Variants in CRNKL1 observed in about 807,000 individuals in gnomAD.
The protein encoded by CRNKL1 is crooked neck-like protein 1.
CRNKL1 carries 35 observed loss-of-function variants against 103.7 expected under a neutral mutation model. The observed-to-expected ratio is 0.34, with a 90% CI of 0.26 to 0.45. The LOEUF is 0.45. Ranked by LOEUF, CRNKL1 falls within the 20% of genes least tolerant of loss-of-function variation. The pLI, the probability that CRNKL1 is intolerant of heterozygous loss-of-function variation, is 1.00. For synonymous variants in CRNKL1, 267 were observed against 282.6 expected (o/e 0.94, Z 0.55); for missense variants, 645 against 836.0 (o/e 0.77, Z 2.82).
intron 13 of CRNKL1, 39 bp downstream of exon 13, chr20:20,037,282 CAT>C (rs778457881): frequency 1.1e-5 from 18 of 1,591,180 alleles, no homozygotes; most frequent in African/African-American, 9.5e-5. Context: ...TGTTTCTACT[CAT>C]GTGACGTGAG....
chr20:20,036,381 A>G lies in CRNKL1; in HGVS notation c.1897-19T>C. 6.2e-7 allele frequency: 1 copy of G among 1,613,244 alleles called. No individual in the cohort carries two copies. The highest frequency in any genetic ancestry group is 8.5e-7 in the Non-Finnish European group (1 of 1,179,438). On this transcript the variant is annotated intron_variant, in intron 13 of 13. Transcript: ENST00000536226. ...CATCAGACTACAGAAATAAAAAATG[A>G]AAAGATAAGCAAACGTGGGTGATAT...
upstream of CRNKL1, chr20:20,055,961 A>T (rs1412016625): frequency 2.5e-6 from 4 of 1,610,862 alleles, no homozygotes; most frequent in Admixed American, 6.8e-5. Context: ...TTTTGTCAAC[A>T]GCATTTCCCA....
At chr20:20,038,153 A>C (rs2043452361) in intron 12 of CRNKL1, among the ~76,000 whole-genome samples, 196 bp downstream of exon 12, 1 of 151,932 alleles carries the variant, frequency 6.6e-6, no homozygotes, top group Non-Finnish European at 1.5e-5. Flanking sequence ...ATGCAGCATA[A>C]ACAATGACCT....
rs527627624 is a variant in CRNKL1, at chr20:20,049,805, CCTTT to C, written c.205-378_205-375del. On this transcript the variant is annotated intron_variant, in intron 2 of 13. Coordinates refer to ENST00000536226, the MANE Select transcript of CRNKL1 (RefSeq NM_001278628.2). The stretch of plus-strand genomic sequence containing the variant: ...CCTTTTGCAGACCTCAATTCCTTTT[CCTTT>C]CTTTCTTTCTTTCTTTTTTTTTTTT... 2.6e-3 allele frequency among the ~76,000 whole-genome samples: 387 copies of C among 151,522 alleles called. 1 individual carries two copies. In the Middle Eastern group the frequency reaches 0.027, roughly 11 times the overall value.
intron 8 of CRNKL1, 94 bp downstream of exon 8, chr20:20,042,231 T>C: frequency 1.7e-6 from 2 of 1,179,618 alleles, no homozygotes; most frequent in Non-Finnish European, 1.2e-6. Flanking sequence ...CTAAATTTCC[T>C]TCTTTCAAGA....
intron 3 of CRNKL1, 121 bp from the exon 4 acceptor site, chr20:20,048,622 G>T: frequency 1.1e-6 from 1 of 946,920 alleles, no homozygotes; most frequent in East Asian, 2.6e-5. Flanking sequence ...CAAGTTCTGG[G>T]CATAAAAAAA....
At chr20:20,040,863 C>T (rs976735286) in intron 9 of CRNKL1, 97 bp from the exon 10 acceptor site, 10 of 822,354 alleles carry the variant, frequency 1.2e-5, no homozygotes, top group South Asian at 9.6e-5. Flanking sequence ...ATTGGTAATT[C>T]GATTTCTCTA....
At chr20:20,054,021 T>TTG, upstream of CRNKL1, among the ~76,000 whole-genome samples, 1 of 146,738 alleles carries the variant, frequency 6.8e-6, no homozygotes, top group South Asian at 2.1e-4. Context: ...TTGTTTTTTT[T>TTG]TTTTTTTTTT....
rs73605567 is a variant in CRNKL1, at chr20:20,045,611, C to A, written c.623-125G>T. On this transcript the variant is annotated intron_variant, in intron 5 of 13. Coordinates refer to ENST00000536226, the MANE Select transcript of CRNKL1 (RefSeq NM_001278628.2). ...AATTCAAACTACAACTCTAGGGGAACAAAACACATACAAAAGTGTAGAATT... is the reference window on the plus strand; with the variant it reads ...AATTCAAACTACAACTCTAGGGGAAAAAAACACATACAAAAGTGTAGAATT... The A allele has an allele frequency of 0.08, 61,872 of 769,464 alleles. 7,993 individuals are homozygous for A. Among genetic ancestry groups the A allele is most frequent in the East Asian group, 0.56 (21,239 of 37,760 alleles). The allele number at this position is 769,464 out of a possible 1,614,324, so 47.7% of individuals were successfully genotyped here. A position where few individuals can be genotyped will look rare whatever the true frequency, so the allele number is the denominator to read the frequency against.
At chr20:20,042,222 TA>T in intron 8 of CRNKL1, 102 bp downstream of exon 8, 1 of 1,102,148 alleles carries the variant, frequency 9.1e-7, no homozygotes, top group Non-Finnish European at 1.3e-6. Flanking sequence ...AATTTAAAAC[TA>T]AATTTCCTTC....
chr20:20,041,996 A>G (rs1568759174), intron 8 of CRNKL1, among the ~76,000 whole-genome samples: 2 of 152,190 alleles, frequency 1.3e-5, no homozygotes, highest in African/African-American at 4.8e-5. Flanking sequence ...AGCCAGAATT[A>G]CTCCTATTAA....
At chr20:20,041,873 A>G (rs1049544049) in intron 8 of CRNKL1, among the ~76,000 whole-genome samples, 1 of 152,238 alleles carries the variant, frequency 6.6e-6, no homozygotes, top group African/African-American at 2.4e-5. Flanking sequence ...GTTTTGCCTG[A>G]TGGCAGAAAG....
At position 20,035,702 on chromosome 20, in the gene CRNKL1, C is replaced by T. The variant is rs1315573494; in HGVS notation, c.*493G>A. On this transcript the variant is annotated 3_prime_UTR_variant, in exon 14 of 14. Coordinates refer to ENST00000536226, the MANE Select transcript of CRNKL1 (RefSeq NM_001278628.2). The stretch of plus-strand genomic sequence containing the variant: ...TACTGAGCACTTACTATGCACCCAC[C>T]AGGTATATTCCTTTTATAATGTAAT... 6.5e-6 allele frequency: 1 copy of T among 153,680 alleles called. No homozygotes were observed. The highest frequency in any genetic ancestry group is 2.4e-5 in the African/African-American group (1 of 41,426). 9.5% of individuals were successfully genotyped at this position (153,680 alleles called of 1,614,324 possible). A position where few individuals can be genotyped will look rare whatever the true frequency, so the allele number is the denominator to read the frequency against.
At chr20:20,036,384 AGAT>A (rs1176880334) in intron 13 of CRNKL1, 22 bp from the exon 14 acceptor site, 1 of 1,612,454 alleles carries the variant, frequency 6.2e-7, no homozygotes, top group Non-Finnish European at 8.5e-7. Flanking sequence ...AAAAATGAAA[AGAT>A]AAGCAAACGT....
chr20:20,052,395 C>A lies in CRNKL1; in HGVS notation c.-53G>T, dbSNP rs755517643. The A allele has an allele frequency of 3.1e-6, 5 of 1,614,234 alleles. No homozygotes were observed. The South Asian group carries it at 4.4e-5, about 14-fold the overall frequency. On this transcript the variant is annotated 5_prime_UTR_variant, in exon 1 of 14. Transcript: ENST00000536226. ...TGTCCCCGGCACGGACGCTAGAAATCGGCTCTGAGAGCTCACCGAAACCAC... is the reference window on the plus strand; with the variant it reads ...TGTCCCCGGCACGGACGCTAGAAATAGGCTCTGAGAGCTCACCGAAACCAC...
chr20:20,039,813 TA>T lies in CRNKL1; in HGVS notation c.1340del (p.Leu447TyrfsTer6). The T allele has an allele frequency of 5.0e-6, 8 of 1,614,010 alleles. No individual in the cohort carries two copies. Among genetic ancestry groups the T allele is most frequent in the Non-Finnish European group, 6.8e-6 (8 of 1,179,926 alleles). On this transcript the variant is annotated frameshift_variant, in exon 11 of 14. Coordinates refer to ENST00000536226, the MANE Select transcript of CRNKL1 (RefSeq NM_001278628.2). LOFTEE classifies it high-confidence loss of function. Reference protein sequence around the residue: ...TSIGKCPKNKLFKVYIELELQ... With the variant: ...TSIGKCPKNKXFKVYIELELQ... Reference sequence around the variant, plus strand: ...GCTCCAATTCTATGTAAACTTTAAATAATTTGTTCTTTGGACATTTGCCTAT... The same window carrying T: ...GCTCCAATTCTATGTAAACTTTAAATATTTGTTCTTTGGACATTTGCCTAT...
chr20:20,047,589 A>C (rs1305522823), intron 5 of CRNKL1, among the ~76,000 whole-genome samples, 176 bp downstream of exon 5: 1 of 151,718 alleles, frequency 6.6e-6, no homozygotes, highest in Non-Finnish European at 1.5e-5. Context: ...CAGAATACAA[A>C]TTTTCATTCT....
chr20:20,037,960 G>A (rs141257794), intron 12 of CRNKL1, among the ~76,000 whole-genome samples: 138 of 151,948 alleles, frequency 9.1e-4, no homozygotes, highest in African/African-American at 2.6e-3. Flanking sequence ...TATGGTGCGC[G>A]TCTCTAGTCC....
rs1166486022 is a variant in CRNKL1, at chr20:20,048,506, A to G, written c.297-5T>C. 6.2e-7 allele frequency: 1 copy of G among 1,613,720 alleles called. No homozygotes were observed. The highest frequency in any genetic ancestry group is 8.5e-7 in the Non-Finnish European group (1 of 1,179,612). ...CGCTCGTATATGGATCGAGCCCTTAAGAAGCAAGATTTGCAGGGCATCAAA... is the reference window on the plus strand; with the variant it reads ...CGCTCGTATATGGATCGAGCCCTTAGGAAGCAAGATTTGCAGGGCATCAAA... On this transcript the variant is annotated splice_region_variant and splice_polypyrimidine_tract_variant and intron_variant, in intron 3 of 13. Transcript: ENST00000536226.
Sources: gnomAD v4.1 joint callset for allele counts (sites outside exome capture counted in the v4.1 genomes callset) on GRCh38, gnomAD v4.1.1 for gene constraint, MANE v1.5 for transcripts, NCBI Gene and HGNC (gene_info 2026-07-23, HGNC 2026-07-21) for gene names.